The following SNTB2 variants were observed in gnomAD, a reference collection of about 807,000 sequenced individuals.
The protein encoded by SNTB2 is syntrophin beta 2.
In SNTB2, 34 loss-of-function variants were observed where a neutral mutation model predicts 46.2. The ratio of observed to expected loss-of-function variants is 0.74; its 90% CI spans 0.56 to 0.98. The LOEUF (loss-of-function observed/expected upper bound fraction) is 0.98. SNTB2 is among the 50% of genes least tolerant of loss of function. SNTB2 has a pLI of 0.00. For missense variants in SNTB2, 603 were observed against 731.4 expected, an observed-to-expected ratio of 0.82 and a Z score of 2.02; for synonymous variants, 290 against 312.6, an observed-to-expected ratio of 0.93 and a Z score of 0.76.
At chr16:69,286,714 A>G (rs1370218512) in intron 5 of SNTB2, among the ~76,000 whole-genome samples, 3 of 119,858 alleles carry the variant, frequency 2.5e-5, no homozygotes, top group Non-Finnish European at 5.5e-5. Context: ...TAATTAAATG[A>G]AAAAAAAAAA....
intron 4 of SNTB2, among the ~76,000 whole-genome samples, chr16:69,281,473 A>T (rs1351826270): frequency 6.8e-6 from 1 of 146,480 alleles, no homozygotes; most frequent in Admixed American, 6.8e-5. Flanking sequence ...TGTGAAAAGT[A>T]TGTAAGGTCT....
intron 5 of SNTB2, 128 bp downstream of exon 5, chr16:69,284,372 C>G: frequency 2.0e-6 from 1 of 506,260 alleles, no homozygotes; most frequent in African/African-American, 2.1e-5. Flanking sequence ...GATTATACTA[C>G]TATATTTTTA....
At position 69,304,121 on chromosome 16, in the gene SNTB2, A is replaced by G. The variant is rs1965297752; in HGVS notation, c.*3197A>G. ...CTCTCCTTTCTCTCCATAAAAAGAA[A>G]AGGAAAGGAACAAAAGAAAAACATT... On this transcript the variant is annotated 3_prime_UTR_variant, in exon 7 of 7. Transcript: ENST00000336278. The G allele has an allele frequency of 6.6e-6, 1 of 152,242 alleles. No individual in the cohort carries two copies. The highest frequency in any genetic ancestry group is 1.5e-5 in the Non-Finnish European group (1 of 68,034). 9.4% of individuals were successfully genotyped at this position (152,242 alleles called of 1,614,324 possible).
At chr16:69,234,057 G>A (rs1232671389) in intron 1 of SNTB2, among the ~76,000 whole-genome samples, 1 of 152,068 alleles carries the variant, frequency 6.6e-6, no homozygotes, top group Non-Finnish European at 1.5e-5. Context: ...CAAGGGCCAG[G>A]CATGGTGACT....
At chr16:69,265,835 A>C (rs1302243011) in intron 3 of SNTB2, among the ~76,000 whole-genome samples, 4 of 151,632 alleles carry the variant, frequency 2.6e-5, no homozygotes, top group Non-Finnish European at 4.4e-5. Context: ...CCAAAGAAAA[A>C]AAAAAAAAAA....
rs968859076 is a variant in SNTB2, at chr16:69,235,912, G to A, written c.581-9690G>A. On this transcript the variant is annotated intron_variant, in intron 1 of 6. Coordinates refer to ENST00000336278, the MANE Select transcript of SNTB2 (RefSeq NM_006750.4). ...GATGCAGTCCCATTAGATATATATAGAATTACTGGTTTATCTGTGCTACAT... is the reference window on the plus strand; with the variant it reads ...GATGCAGTCCCATTAGATATATATAAAATTACTGGTTTATCTGTGCTACAT... 3 of 1,203,742 alleles carry A rather than the reference G, an allele frequency of 2.5e-6. No homozygotes were observed. The African/African-American group carries it at 4.7e-5, about 19-fold the overall frequency. The allele number at this position is 1,203,742 out of a possible 1,614,324, so 74.6% of individuals were successfully genotyped here. A position where few individuals can be genotyped will look rare whatever the true frequency, so the allele number is the denominator to read the frequency against.
Position 69,274,915 on chromosome 16 carries a change from C to G in SNTB2, c.1148+4630C>G, listed in dbSNP as rs146357975. On this transcript the variant is annotated intron_variant, in intron 4 of 6. Transcript: ENST00000336278. ...CATGCTCATACATGCAAATTAAACT[C>G]ACCATTAATTAAATGGGTGGGTCTT... Among the ~76,000 whole-genome samples the G allele has an allele frequency of 3.7e-3, 556 of 152,306 alleles. 6 individuals are homozygous for G. The highest frequency in any genetic ancestry group is 0.012 in the African/African-American group (499 of 41,566).
intron 1 of SNTB2, among the ~76,000 whole-genome samples, chr16:69,197,873 A>G (rs186048574): frequency 2.0e-5 from 3 of 151,930 alleles, no homozygotes; most frequent in South Asian, 4.2e-4. Context: ...TTTGAGTACT[A>G]TGGATTCTGT....
chr16:69,235,638 A>C, intron 1 of SNTB2: 2 of 1,187,510 alleles, frequency 1.7e-6, no homozygotes, highest in South Asian at 3.2e-5. Context: ...AGTGGGGAGC[A>C]GAAAGAAAGA....
At position 69,226,576 on chromosome 16, in the gene SNTB2, C is replaced by T. The variant is rs998231859; in HGVS notation, c.581-19026C>T. 3.9e-5 allele frequency among the ~76,000 whole-genome samples: 6 copies of T among 152,184 alleles called. No individual in the cohort carries two copies. In the East Asian group the frequency reaches 1.2e-3, roughly 29 times the overall value. On this transcript the variant is annotated intron_variant, in intron 1 of 6. Coordinates refer to ENST00000336278, the MANE Select transcript of SNTB2 (RefSeq NM_006750.4). ...TGAGACAAGGTCTCCCACTGTCACA[C>T]TGGAGTGCGGTGGTGGGATTGTGGC...
At position 69,253,831 on chromosome 16, in the gene SNTB2, C is replaced by T. The variant is rs532701025; in HGVS notation, c.795-6219C>T. On this transcript the variant is annotated intron_variant, in intron 2 of 6. Transcript: ENST00000336278. The stretch of plus-strand genomic sequence containing the variant: ...TATTAATAACTAGGATCTGAGACAT[C>T]AGGATTTTCAGAACTCAGACTGTGT... Among the ~76,000 whole-genome samples the T allele has an allele frequency of 2.6e-5, 4 of 152,180 alleles. No homozygotes were observed. In the South Asian group the frequency reaches 6.2e-4, roughly 24 times the overall value.
intron 1 of SNTB2, chr16:69,235,951 C>A: frequency 2.2e-6 from 2 of 929,644 alleles, no homozygotes; most frequent in Non-Finnish European, 2.8e-6. Context: ...AGTAAGCTCC[C>A]ATTACTTTCG....
At chr16:69,255,703 A>T (rs1370687387) in intron 2 of SNTB2, among the ~76,000 whole-genome samples, 1 of 151,840 alleles carries the variant, frequency 6.6e-6, no homozygotes, top group African/African-American at 2.4e-5. Flanking sequence ...CAACATGGTG[A>T]ATCCCCCACT....
chr16:69,255,054 C>T (rs189743629), intron 2 of SNTB2, among the ~76,000 whole-genome samples: 27 of 152,176 alleles, frequency 1.8e-4, no homozygotes, highest in Non-Finnish European at 3.5e-4. Context: ...TATTGTAATT[C>T]ATCTCACATC....
Position 69,217,421 on chromosome 16 carries a change from T to A in SNTB2, c.581-28181T>A, listed in dbSNP as rs188477171. On this transcript the variant is annotated intron_variant, in intron 1 of 6. Coordinates refer to ENST00000336278, the MANE Select transcript of SNTB2 (RefSeq NM_006750.4). ...CCCAGGACATTGAGGCTGTAGTGAC[T>A]GTGATTGAGCCACTGCACTCCAGCC... is the stretch of plus-strand genomic sequence containing the variant. 6.5e-3 allele frequency among the ~76,000 whole-genome samples: 985 copies of A among 152,240 alleles called. 9 individuals are homozygous for A. The highest frequency in any genetic ancestry group is 0.022 in the African/African-American group (933 of 41,552).
intron 1 of SNTB2, among the ~76,000 whole-genome samples, chr16:69,195,884 A>G (rs1567393992): frequency 6.6e-6 from 1 of 152,108 alleles, no homozygotes. Flanking sequence ...TCACCAGACT[A>G]TAAAATCTGG....
At chr16:69,281,926 A>T (rs1416767706) in intron 4 of SNTB2, among the ~76,000 whole-genome samples, 31 of 124,858 alleles carry the variant, frequency 2.5e-4, no homozygotes, top group South Asian at 5.7e-4. Context: ...TTTTTTTGAG[A>T]GGGAGTCTCG....
chr16:69,270,040 G>A (rs17624424), intron 3 of SNTB2, 103 bp from the exon 4 acceptor site: 85,069 of 1,376,168 alleles, frequency 0.062, 2,954 homozygotes, highest in Non-Finnish European at 0.071. Context: ...ATCAGGTTGG[G>A]AAAACAAAAT....
intron 1 of SNTB2, among the ~76,000 whole-genome samples, chr16:69,193,754 A>T (rs931991222): frequency 2.6e-5 from 4 of 152,206 alleles, no homozygotes; most frequent in Non-Finnish European, 5.9e-5. Context: ...ACTAGTTCAG[A>T]TAAAAGGATG....
Sources: gnomAD v4.1 joint callset for allele counts (sites outside exome capture counted in the v4.1 genomes callset) on GRCh38, gnomAD v4.1.1 for gene constraint, MANE v1.5 for transcripts, NCBI Gene and HGNC (gene_info 2026-07-23, HGNC 2026-07-21) for gene names.